The following SLC5A7 variants were observed in gnomAD, a reference collection of about 807,000 sequenced individuals.
SLC5A7 encodes solute carrier family 5 member 7.
Under a neutral mutation model 55.4 loss-of-function variants are expected in SLC5A7, and 19 were observed. The ratio of observed to expected loss-of-function variants is 0.34; its 90% CI spans 0.24 to 0.50. The LOEUF (loss-of-function observed/expected upper bound fraction) is 0.50. Ranked by LOEUF, SLC5A7 falls within the 20% of genes least tolerant of loss-of-function variation. The pLI, the probability that SLC5A7 is intolerant of heterozygous loss-of-function variation, is 0.98. For missense variants in SLC5A7, 506 were observed against 705.3 expected (o/e 0.72, Z 3.20); for synonymous variants, 265 against 263.7 (o/e 1.00, Z -0.05).
chr2:108,006,060 A>G lies in SLC5A7; in HGVS notation c.753A>G (p.Gly251=). 1 of 1,614,100 alleles carries G rather than the reference A, an allele frequency of 6.2e-7. No individual in the cohort carries two copies. Among genetic ancestry groups the G allele is most frequent in the South Asian group, 1.1e-5 (1 of 91,074 alleles). Residue 251 remains glycine, a synonymous_variant, in exon 7 of 9, where the codon GGA becomes GGG. Transcript: ENST00000264047. ...LDSFLLLMLG[G]IPWQAYFQRV... ...TGTTTCCCGCACAGATGCTGGGTGG[A>G]ATCCCATGGCAAGCATACTTTCAGA...
Position 108,006,209 on chromosome 2 carries a change from C to A in SLC5A7, c.895+7C>A, listed in dbSNP as rs1305206468. Reference sequence around the variant, plus strand: ...GCCATTGGAGCATCAACAGGTAAATCTCTTGCAGCTTCACCACATGTGCCA... The same window carrying A: ...GCCATTGGAGCATCAACAGGTAAATATCTTGCAGCTTCACCACATGTGCCA... On this transcript the variant is annotated splice_region_variant and intron_variant, in intron 7 of 8. Transcript: ENST00000264047. 6.2e-7 allele frequency: 1 copy of A among 1,613,688 alleles called. No homozygotes were observed. The highest frequency in any genetic ancestry group is 2.2e-5 in the East Asian group (1 of 44,846).
chr2:107,990,083 A>G (rs536966091), intron 2 of SLC5A7, among the ~76,000 whole-genome samples: 6 of 152,338 alleles, frequency 3.9e-5, no homozygotes, highest in Non-Finnish European at 7.3e-5. Flanking sequence ...TGACTTGGAT[A>G]TATTTTATAA....
chr2:108,010,152 A>C (rs554220135), intron 8 of SLC5A7, 80 bp from the exon 9 acceptor site: 1 of 1,515,982 alleles, frequency 6.6e-7, no homozygotes, highest in South Asian at 1.3e-5. Flanking sequence ...CCAGTTTTGA[A>C]GCAAAAAATA....
rs1195614195 is a variant in SLC5A7 at position 108,010,443 on chromosome 2, G to C, written c.1325G>C (p.Gly442Ala). Residue 442 changes from glycine to alanine, a missense_variant, in exon 9 of 9, where the codon GGC (glycine) becomes GCC (alanine). Transcript: ENST00000264047. ...GGGGCCGTGGCAGGTTATGTTTCTG[G>C]CCTCTTCCTGAGAATAACTGGAGGG... ...TYGAVAGYVS[G>A]LFLRITGGEP... The C allele has an allele frequency of 1.2e-6, 2 of 1,613,684 alleles. No individual in the cohort carries two copies. Among genetic ancestry groups the C allele is most frequent in the Non-Finnish European group, 1.7e-6 (2 of 1,179,930 alleles).
At chr2:108,001,864 C>T (rs1372370287) in intron 5 of SLC5A7, 33 bp from the exon 6 acceptor site, 14 of 1,611,072 alleles carry the variant, frequency 8.7e-6, no homozygotes, top group Non-Finnish European at 1.1e-5. Flanking sequence ...TGAAAACCAT[C>T]GCCTAGGGCT....
intron 2 of SLC5A7, among the ~76,000 whole-genome samples, chr2:107,990,373 T>C (rs938672281): frequency 6.6e-6 from 1 of 152,206 alleles, no homozygotes. Context: ...AGCTTTGTGC[T>C]TGTAAGACCA....
intron 4 of SLC5A7, among the ~76,000 whole-genome samples, chr2:107,995,311 A>G (rs1270673442): frequency 1.3e-5 from 2 of 152,192 alleles, no homozygotes; most frequent in Admixed American, 6.5e-5. Flanking sequence ...TTTGTGGTTC[A>G]TCATTGATGG....
chr2:107,990,623 G>A (rs956669471), intron 2 of SLC5A7, among the ~76,000 whole-genome samples: 1 of 152,140 alleles, frequency 6.6e-6, no homozygotes, highest in African/African-American at 2.4e-5. Flanking sequence ...CTACAGCAAA[G>A]GTGGGAGTGA....
At chr2:107,997,707 T>C in intron 4 of SLC5A7, 131 bp from the exon 5 acceptor site, 3 of 808,374 alleles carry the variant, frequency 3.7e-6, no homozygotes, top group East Asian at 2.9e-5. Context: ...TAACTTTAGG[T>C]GTTTTCATCC....
chr2:107,998,013 T>G lies in SLC5A7; in HGVS notation c.597+27T>G, dbSNP rs751087335. The G allele has an allele frequency of 1.9e-6, 3 of 1,591,714 alleles. No individual in the cohort carries two copies. The Admixed American group carries it at 5.5e-5, about 29-fold the overall frequency. On this transcript the variant is annotated intron_variant, in intron 5 of 8. Transcript: ENST00000264047. ...TAAGTGGGAGCACCCAAGATTCTCC[T>G]CCTTTTTTTCTGTAAAAGGTAATGT...
chr2:108,005,338 T>G (rs1396378988), intron 6 of SLC5A7, among the ~76,000 whole-genome samples: 2 of 152,222 alleles, frequency 1.3e-5, no homozygotes, highest in African/African-American at 4.8e-5. Context: ...ATTTTTGGGT[T>G]GCATTGATTC....
Position 108,012,196 on chromosome 2 carries a change from T to A in SLC5A7, c.*1335T>A, listed in dbSNP as rs965246748. 1 of 152,250 alleles carries A rather than the reference T, an allele frequency of 6.6e-6. No individual in the cohort carries two copies. The highest frequency in any genetic ancestry group is 2.4e-5 in the African/African-American group (1 of 41,430). The allele number at this position is 152,250 out of a possible 1,614,324, so 9.4% of individuals were successfully genotyped here. The stretch of plus-strand genomic sequence containing the variant: ...GTGTGTGTATGTGTGTGTGTGTATG[T>A]GTAATGATTTGTGTCCATTTCAAGT... On this transcript the variant is annotated 3_prime_UTR_variant, in exon 9 of 9. Transcript: ENST00000264047.
At chr2:108,003,958 C>T (rs1003955269) in intron 6 of SLC5A7, among the ~76,000 whole-genome samples, 3 of 152,144 alleles carry the variant, frequency 2.0e-5, no homozygotes, top group Non-Finnish European at 2.9e-5. Context: ...TCGTTGTGCC[C>T]TCACATGGTG....
At chr2:107,996,265 CTCAG>C (rs1370025419) in intron 4 of SLC5A7, among the ~76,000 whole-genome samples, 1 of 152,122 alleles carries the variant, frequency 6.6e-6, no homozygotes, top group Non-Finnish European at 1.5e-5. Context: ...AAAACAATAA[CTCAG>C]TCAGTTATCT....
intron 5 of SLC5A7, among the ~76,000 whole-genome samples, chr2:108,001,470 G>A (rs992848806): frequency 6.6e-6 from 1 of 151,600 alleles, no homozygotes; most frequent in African/African-American, 2.4e-5. Flanking sequence ...TCAGGAGATC[G>A]AGACCATCCC....
Position 108,010,926 on chromosome 2 carries a change from G to A in SLC5A7, c.*65G>A. On this transcript the variant is annotated 3_prime_UTR_variant, in exon 9 of 9. Coordinates refer to ENST00000264047, the MANE Select transcript of SLC5A7 (RefSeq NM_021815.5). ...TGTAATAGGGTAGTTCTGGAGAGAT[G>A]GTATGCAGCATACAAAAATATATTA... 4 of 1,418,304 alleles carry A rather than the reference G, an allele frequency of 2.8e-6. No individual in the cohort carries two copies. The highest frequency in any genetic ancestry group is 2.3e-5 in the East Asian group (1 of 42,648). 87.9% of individuals were successfully genotyped at this position (1,418,304 alleles called of 1,614,324 possible).
intron 5 of SLC5A7, among the ~76,000 whole-genome samples, chr2:107,999,130 C>T (rs1015733575): frequency 2.0e-5 from 3 of 152,152 alleles, no homozygotes; most frequent in South Asian, 2.1e-4. Context: ...CATGGAATTT[C>T]GTCCATTCAT....
At chr2:107,997,694 A>T in intron 4 of SLC5A7, 144 bp from the exon 5 acceptor site, 1 of 724,682 alleles carries the variant, frequency 1.4e-6, no homozygotes, top group Non-Finnish European at 2.1e-6. Flanking sequence ...TCAATATAAA[A>T]ATTAACTTTA....
At position 107,992,179 on chromosome 2, in the gene SLC5A7, G is replaced by A. The variant is rs765430211; in HGVS notation, c.252G>A (p.Trp84Ter). The A allele has an allele frequency of 1.9e-6, 3 of 1,613,666 alleles. No individual in the cohort carries two copies. Among genetic ancestry groups the A allele is most frequent in the South Asian group, 1.1e-5 (1 of 91,058 alleles). Residue 84 changes from tryptophan to a stop codon, truncating the protein, a stop_gained, in exon 3 of 9, where the codon TGG (tryptophan) becomes TGA (stop). Transcript: ENST00000264047. LOFTEE classifies it high-confidence loss of function. Reference protein sequence around the residue: ...AVYVPGYGLAWAQAPIGYSLS... With the variant: ...AVYVPGYGLA ...ATGTACCAGGTTATGGCCTAGCTTG[G>A]GCTCAGGCACCAATTGGATATTCTC...
Sources: gnomAD v4.1 joint callset for allele counts (sites outside exome capture counted in the v4.1 genomes callset) on GRCh38, gnomAD v4.1.1 for gene constraint, MANE v1.5 for transcripts, NCBI Gene and HGNC (gene_info 2026-07-23, HGNC 2026-07-21) for gene names.